PCDH11X: variants seen among roughly 807,000 people sequenced by gnomAD.
PCDH11X encodes protocadherin-11 X-linked.
Under a neutral mutation model 53.3 loss-of-function variants are expected in PCDH11X, and 18 were observed. The observed-to-expected ratio is 0.34, with a 90% confidence interval of 0.23 to 0.50. The LOEUF (loss-of-function observed/expected upper bound fraction) is 0.50, where lower values mean the gene tolerates loss of function less well. Among genes scored for constraint, PCDH11X ranks in the 20% least tolerant of loss-of-function variants. PCDH11X has a pLI of 0.98. For synonymous variants in PCDH11X, 279 were observed against 393.3 expected, an observed-to-expected ratio of 0.71 and a Z score of 3.44; for missense variants, 570 against 1,032.4, an observed-to-expected ratio of 0.55 and a Z score of 6.14.
At chrX:91,819,286 T>A (rs753555549) in intron 4 of PCDH11X, among the ~76,000 whole-genome samples, 6 of 107,494 alleles carry the variant, frequency 5.6e-5, no homozygotes, top group East Asian at 5.8e-4. Context: ...GAAAAAAAAA[T>A]TTAAAGAAGA....
In PCDH11X at chrX:92,192,340, ATTTG is replaced by A. The variant is rs755276158; in HGVS notation, c.3034-9023_3034-9020del. Among the ~76,000 whole-genome samples the A allele has an allele frequency of 5.1e-4, 57 of 111,437 alleles. No individual in the cohort carries two copies. The East Asian group carries it at 0.011, about 21-fold the overall frequency. ...TTTTTATTTTTTTATGTTTAAATTTATTTGTTTGTTTGTTTATTTTTGAGATGGA... is the reference window on the plus strand; with the variant it reads ...TTTTTATTTTTTTATGTTTAAATTTATTTGTTTGTTTATTTTTGAGATGGA... On this transcript the variant is annotated intron_variant, in intron 6 of 10. Coordinates refer to ENST00000682573, the MANE Select transcript of PCDH11X (RefSeq NM_032968.5).
intron 6 of PCDH11X, among the ~76,000 whole-genome samples, chrX:92,009,584 CA>C (rs2062654877): frequency 9.1e-6 from 1 of 110,010 alleles, no homozygotes; most frequent in Admixed American, 9.8e-5. Flanking sequence ...TGAAATTTTT[CA>C]GGAAAGAATT....
At chrX:92,230,393 C>G (rs1249517788) in intron 7 of PCDH11X, among the ~76,000 whole-genome samples, 8 of 89,461 alleles carry the variant, frequency 8.9e-5, no homozygotes, top group Non-Finnish European at 1.5e-4. Context: ...CGATTTTGCC[C>G]TAAAGAATGT....
At chrX:92,470,549 G>A (rs1014369670) in intron 10 of PCDH11X, among the ~76,000 whole-genome samples, 13 of 109,670 alleles carry the variant, frequency 1.2e-4, no homozygotes, top group African/African-American at 3.0e-4. Flanking sequence ...AACACTTTTC[G>A]TTTTTTCCCC....
intron 6 of PCDH11X, among the ~76,000 whole-genome samples, chrX:92,146,892 G>A (rs1187819981): frequency 2.7e-5 from 3 of 110,191 alleles, no homozygotes; most frequent in Non-Finnish European, 5.7e-5. Flanking sequence ...CCAGCTACTC[G>A]GGAGGCTGAG....
chrX:92,280,288 C>T (rs901462156), intron 8 of PCDH11X, among the ~76,000 whole-genome samples: 27 of 111,432 alleles, frequency 2.4e-4, no homozygotes, highest in African/African-American at 7.2e-4. Flanking sequence ...CGGTGGCTCA[C>T]GCCTGTAATC....
chrX:92,229,940 T>C (rs778343592), intron 7 of PCDH11X, among the ~76,000 whole-genome samples: 11 of 110,621 alleles, frequency 9.9e-5, no homozygotes, highest in Non-Finnish European at 1.7e-4. Context: ...TAAAACCAAA[T>C]GCCTAACTAG....
At chrX:92,113,965 A>G in intron 6 of PCDH11X, 1 of 1,208,510 alleles carries the variant, frequency 8.3e-7, no homozygotes, top group Admixed American at 2.2e-5. Flanking sequence ...TCTCCGGTTA[A>G]GCATATCAAA....
At chrX:91,893,346 C>CG (rs1569430670) in intron 6 of PCDH11X, among the ~76,000 whole-genome samples, 1 of 100,780 alleles carries the variant, frequency 9.9e-6, no homozygotes, top group East Asian at 3.0e-4. Context: ...GAGAGAACCG[C>CG]ATTTTTTTTT....
intron 6 of PCDH11X, among the ~76,000 whole-genome samples, chrX:91,910,071 A>C (rs1321423976): frequency 9.0e-6 from 1 of 111,043 alleles, no homozygotes; most frequent in East Asian, 2.8e-4. Flanking sequence ...ATTGTCCAGT[A>C]GTAGTGAGCA....
chrX:92,291,890 A>T (rs1176705841), intron 8 of PCDH11X, among the ~76,000 whole-genome samples: 3 of 110,627 alleles, frequency 2.7e-5, no homozygotes, highest in Non-Finnish European at 5.7e-5. Context: ...AAAGAGAAAG[A>T]AAAAAGAAAA....
chrX:92,284,197 G>T (rs1159171652), intron 8 of PCDH11X, among the ~76,000 whole-genome samples: 1 of 110,574 alleles, frequency 9.0e-6, no homozygotes, highest in African/African-American at 3.3e-5. Context: ...ATATAAAATA[G>T]TCTCATCGTT....
intron 6 of PCDH11X, chrX:91,879,885 C>A (rs1939813139): frequency 2.5e-5 from 18 of 725,942 alleles, no homozygotes; most frequent in Non-Finnish European, 2.9e-5. Context: ...AAAATGAAAG[C>A]CTACTCATTC....
In PCDH11X at chrX:92,138,579, A is replaced by T. The variant is rs1436227020; in HGVS notation, c.3034-62796A>T. Among the ~76,000 whole-genome samples, 11 of 111,209 alleles carry T rather than the reference A, an allele frequency of 9.9e-5. No homozygotes were observed. In the East Asian group the frequency reaches 3.1e-3, roughly 31 times the overall value. On this transcript the variant is annotated intron_variant, in intron 6 of 10. Coordinates refer to ENST00000682573, the MANE Select transcript of PCDH11X (RefSeq NM_032968.5). ...GTGCATTGGAAATATAATATCAAAT[A>T]TAATATATTCTCTGAATATTGTAAT... is the stretch of plus-strand genomic sequence containing the variant.
intron 6 of PCDH11X, among the ~76,000 whole-genome samples, chrX:91,899,749 AAAAG>A (rs1455972285): frequency 9.0e-6 from 1 of 111,305 alleles, no homozygotes; most frequent in Non-Finnish European, 1.9e-5. Context: ...TGATAAAGAA[AAAAG>A]AAAGGAAATA....
intron 8 of PCDH11X, among the ~76,000 whole-genome samples, chrX:92,283,566 T>C (rs1488522228): frequency 8.9e-6 from 1 of 111,955 alleles, no homozygotes; most frequent in African/African-American, 3.2e-5. Context: ...TGTTTAGGTT[T>C]CTAATGTCTG....
chrX:92,083,293 C>T (rs967162215), intron 6 of PCDH11X, among the ~76,000 whole-genome samples: 3 of 111,549 alleles, frequency 2.7e-5, no homozygotes, highest in African/African-American at 9.8e-5. Context: ...GACACTGTGT[C>T]ACATGAAAAT....
chrX:92,209,795 G>A (rs966428206), intron 7 of PCDH11X, among the ~76,000 whole-genome samples: 2 of 112,517 alleles, frequency 1.8e-5, no homozygotes, highest in African/African-American at 3.2e-5. Flanking sequence ...ATCACATGCA[G>A]CAGATATCTG....
At chrX:92,503,810 C>T (rs1318343715) in intron 10 of PCDH11X, among the ~76,000 whole-genome samples, 5 of 110,844 alleles carry the variant, frequency 4.5e-5, no homozygotes, top group Non-Finnish European at 9.4e-5. Context: ...AGTAAACCAC[C>T]ATGGCACACG....
Sources: gnomAD v4.1 joint callset for allele counts (sites outside exome capture counted in the v4.1 genomes callset) on GRCh38, gnomAD v4.1.1 for gene constraint, MANE v1.5 for transcripts, NCBI Gene and HGNC (gene_info 2026-07-23, HGNC 2026-07-21) for gene names.